The following DNAH14 variants were observed in gnomAD, a reference collection of about 807,000 sequenced individuals.
DNAH14 encodes the protein dynein axonemal heavy chain 14.
Under a neutral mutation model 520.9 loss-of-function variants are expected in DNAH14, and 478 were observed. The ratio of observed to expected loss-of-function variants is 0.92; its 90% confidence interval spans 0.85 to 0.99. The LOEUF (loss-of-function observed/expected upper bound fraction) is 0.99, where lower values mean the gene tolerates loss of function less well. Ranked by LOEUF, DNAH14 falls within the 50% of genes least tolerant of loss-of-function variation. The pLI is 0.00. For missense variants in DNAH14, 4,831 were observed against 5,234.5 expected (o/e 0.92, Z 2.38); for synonymous variants, 1,581 against 1,757.2 (o/e 0.90, Z 2.51).
chr1:225,265,358 AAAAACAACCGGGT>A lies in DNAH14; in HGVS notation c.7406_7410+8del. On this transcript the variant is annotated splice_donor_variant and coding_sequence_variant, in exon 48 of 86. Transcript: ENST00000682510. LOFTEE classifies it high-confidence loss of function. The stretch of plus-strand genomic sequence containing the variant: ...AACTAAAGATACTCTTGGAGCACCA[AAAAACAACCGGGT>A]AAAACACCTCTCATACCTGTTCAAT... 1 of 1,534,214 alleles carries A rather than the reference AAAAACAACCGGGT, an allele frequency of 6.5e-7. No homozygotes were observed. Among genetic ancestry groups the A allele is most frequent in the Non-Finnish European group, 8.8e-7 (1 of 1,142,450 alleles).
intron 82 of DNAH14, among the ~76,000 whole-genome samples, chr1:225,388,815 C>A (rs2095871097): frequency 6.6e-6 from 1 of 151,968 alleles, no homozygotes; most frequent in Non-Finnish European, 1.5e-5. Flanking sequence ...CTCCCTCTGT[C>A]ACCCAGGCTG....
intron 17 of DNAH14, among the ~76,000 whole-genome samples, chr1:225,071,548 C>T (rs1464770204): frequency 6.6e-6 from 1 of 152,128 alleles, no homozygotes; most frequent in Admixed American, 6.6e-5. Flanking sequence ...CTGAGAGCTC[C>T]ACTGTTAATC....
chr1:225,375,280 A>G (rs1456090098), intron 78 of DNAH14, among the ~76,000 whole-genome samples: 1 of 152,182 alleles, frequency 6.6e-6, no homozygotes, highest in Non-Finnish European at 1.5e-5. Flanking sequence ...TCTCCCCCTC[A>G]GTTTCTATCC....
intron 46 of DNAH14, among the ~76,000 whole-genome samples, chr1:225,262,583 C>T (rs1297363164): frequency 6.6e-6 from 1 of 152,042 alleles, no homozygotes; most frequent in East Asian, 1.9e-4. Flanking sequence ...ATTTTCCCAG[C>T]ACCATTTTTG....
intron 10 of DNAH14, among the ~76,000 whole-genome samples, chr1:225,013,355 G>T (rs1276927010): frequency 2.6e-5 from 4 of 152,064 alleles, no homozygotes; most frequent in African/African-American, 9.7e-5. Context: ...GTCTCAGGGG[G>T]ACCCACCAGA....
At chr1:225,171,386 G>A (rs2082640851) in intron 36 of DNAH14, among the ~76,000 whole-genome samples, 1 of 151,952 alleles carries the variant, frequency 6.6e-6, no homozygotes, top group African/African-American at 2.4e-5. Context: ...AACTGATAAA[G>A]AAGAAAAGAG....
intron 8 of DNAH14, among the ~76,000 whole-genome samples, chr1:224,986,487 C>G (rs1310320298): frequency 2.6e-5 from 4 of 152,020 alleles, no homozygotes; most frequent in African/African-American, 9.7e-5. Context: ...TTCAACATAT[C>G]AACATTTGTA....
intron 23 of DNAH14, among the ~76,000 whole-genome samples, chr1:225,102,539 C>T (rs139140122): frequency 0.042 from 6,463 of 152,250 alleles, 401 homozygotes; most frequent in African/African-American, 0.14. Context: ...TCTCCACATC[C>T]TCTCCAGCAC....
chr1:225,268,125 C>T (rs1240077660), intron 49 of DNAH14, among the ~76,000 whole-genome samples: 1 of 152,088 alleles, frequency 6.6e-6, no homozygotes, highest in Non-Finnish European at 1.5e-5. Flanking sequence ...TTGCTAACCT[C>T]AATAACATAT....
intron 28 of DNAH14, 94 bp downstream of exon 28, chr1:225,141,115 A>G (rs2079414073): frequency 1.5e-6 from 2 of 1,304,554 alleles, no homozygotes; most frequent in Non-Finnish European, 2.0e-6. Context: ...GTCAAACTTG[A>G]GTTTTAATTT....
intron 36 of DNAH14, 29 bp downstream of exon 36, chr1:225,168,057 C>G: frequency 8.0e-7 from 1 of 1,245,762 alleles, no homozygotes; most frequent in Non-Finnish European, 1.1e-6. Flanking sequence ...GTTAGCAATC[C>G]TTTGCCTGTA....
chr1:225,026,791 C>A (rs2066151569), intron 11 of DNAH14, among the ~76,000 whole-genome samples: 1 of 152,046 alleles, frequency 6.6e-6, no homozygotes, highest in East Asian at 1.9e-4. Flanking sequence ...ACAATTTCTG[C>A]AAATATTCAG....
intron 36 of DNAH14, among the ~76,000 whole-genome samples, chr1:225,180,183 C>A (rs1384435133): frequency 6.6e-6 from 1 of 152,084 alleles, no homozygotes; most frequent in Non-Finnish European, 1.5e-5. Context: ...GTTATTATTT[C>A]TTGATATAAG....
intron 41 of DNAH14, among the ~76,000 whole-genome samples, chr1:225,212,182 T>G (rs2088545735): frequency 6.6e-6 from 1 of 151,726 alleles, no homozygotes; most frequent in Non-Finnish European, 1.5e-5. Context: ...TGTGAGAGTT[T>G]GCTGAGAATG....
At chr1:225,131,569 G>A (rs1320139575) in intron 27 of DNAH14, among the ~76,000 whole-genome samples, 1 of 152,118 alleles carries the variant, frequency 6.6e-6, no homozygotes, top group Non-Finnish European at 1.5e-5. Flanking sequence ...AGATAATCCA[G>A]AATAATCTCT....
chr1:225,024,122 A>G (rs2065919024), intron 11 of DNAH14: 13 of 1,034,786 alleles, frequency 1.3e-5, no homozygotes, highest in Non-Finnish European at 1.5e-5. Context: ...AGTATTACCT[A>G]TGTTAAAATT....
intron 25 of DNAH14, 196 bp downstream of exon 25, chr1:225,118,195 G>C: frequency 1.6e-6 from 1 of 606,118 alleles, no homozygotes; most frequent in Non-Finnish European, 2.9e-6. Flanking sequence ...ATTAAAAGTT[G>C]AGAAAGCAGT....
intron 54 of DNAH14, among the ~76,000 whole-genome samples, chr1:225,279,697 T>G (rs1462231770): frequency 6.6e-6 from 1 of 152,080 alleles, no homozygotes; most frequent in Non-Finnish European, 1.5e-5. Context: ...AGGCATTGGT[T>G]TAAAAGATTA....
chr1:225,038,561 C>G, intron 11 of DNAH14, 133 bp from the exon 12 acceptor site: 1 of 741,718 alleles, frequency 1.3e-6, no homozygotes, highest in Non-Finnish European at 2.1e-6. Context: ...ATCTTCTTTG[C>G]AGAAAGGTCT....
Sources: allele counts gnomAD v4.1 joint callset (sites outside exome capture counted in the v4.1 genomes callset), GRCh38; gene constraint gnomAD v4.1.1; transcripts MANE v1.5; gene names NCBI Gene and HGNC (gene_info 2026-07-23, HGNC 2026-07-21).